The following BDP1 variants were observed in gnomAD, a reference collection of about 807,000 sequenced individuals.
BDP1 encodes the protein transcription factor TFIIIB component B'' homolog.
A neutral mutation model predicts 266.6 loss-of-function variants in BDP1; 169 were observed. The observed-to-expected ratio is 0.63, with a 90% CI of 0.56 to 0.72. The LOEUF (loss-of-function observed/expected upper bound fraction) is 0.72. BDP1 is among the 30% of genes least tolerant of loss of function. The probability of loss-of-function intolerance (pLI) is 0.00; values close to 1 mark genes in which losing one functional copy is unlikely to be tolerated. For synonymous variants in BDP1, 1,090 were observed against 1,022.4 expected, an observed-to-expected ratio of 1.07 and a Z score of -1.26; for missense variants, 3,015 against 3,053.8, an observed-to-expected ratio of 0.99 and a Z score of 0.30.
At chr5:71,552,147 G>GTGGTTGC (rs1742839861) in intron 34 of BDP1, among the ~76,000 whole-genome samples, 1 of 148,364 alleles carries the variant, frequency 6.7e-6, no homozygotes, top group Non-Finnish European at 1.5e-5. Flanking sequence ...CTCAGATGGG[G>GTGGTTGC]CAGCCGGGCA....
At chr5:71,571,597 G>A (rs988289735), downstream of BDP1, among the ~76,000 whole-genome samples, 4 of 151,062 alleles carry the variant, frequency 2.6e-5, no homozygotes, top group East Asian at 2.0e-4. Flanking sequence ...TATTAAACAC[G>A]GATTGCTGGG....
Position 71,512,357 on chromosome 5 carries a change from A to G in BDP1, c.4176A>G (p.Glu1392=), listed in dbSNP as rs776422348. 6.9e-6 allele frequency: 11 copies of G among 1,596,620 alleles called. No homozygotes were observed. The highest frequency in any genetic ancestry group is 1.8e-5 in the Admixed American group (1 of 54,308). Residue 1392 remains glutamate, a synonymous_variant, in exon 18 of 39, where the codon GAA becomes GAG. Coordinates refer to ENST00000358731, the MANE Select transcript of BDP1 (RefSeq NM_018429.3). ...TCAAGATTTCTTCACAGACTCATGA[A>G]TCTGATAAAACAGAAGTCCAGGGGA... ...SHFKISSQTH[E]SDKTEVQGIQ...
chr5:71,459,881 C>G (rs979860936), intron 2 of BDP1, among the ~76,000 whole-genome samples: 3 of 152,172 alleles, frequency 2.0e-5, no homozygotes, highest in African/African-American at 7.2e-5. Flanking sequence ...CAGGGAAATG[C>G]TCATTGGAGC....
intron 25 of BDP1, among the ~76,000 whole-genome samples, chr5:71,525,648 CA>C (rs1765804790): frequency 7.8e-6 from 1 of 128,768 alleles, no homozygotes; most frequent in Non-Finnish European, 1.7e-5. Flanking sequence ...CTGACCCCCC[CA>C]CCTCCCTTCC....
intron 25 of BDP1, among the ~76,000 whole-genome samples, chr5:71,525,728 CG>C (rs1203425687): frequency 7.2e-6 from 1 of 139,570 alleles, no homozygotes; most frequent in Non-Finnish European, 1.6e-5. Flanking sequence ...GCTGGCCAGG[CG>C]GGGGGCTGAC....
At chr5:71,484,020 A>G in intron 8 of BDP1, 124 bp downstream of exon 8, 2 of 764,960 alleles carry the variant, frequency 2.6e-6, no homozygotes, top group Non-Finnish European at 4.3e-6. Flanking sequence ...AAGAGGAAGC[A>G]GTCTGAAATT....
At chr5:71,526,804 C>T (rs1765917511) in intron 25 of BDP1, among the ~76,000 whole-genome samples, 1 of 151,008 alleles carries the variant, frequency 6.6e-6, no homozygotes, top group Admixed American at 6.6e-5. Context: ...TATCCTGCCT[C>T]AGCCTCCTGT....
chr5:71,491,247 T>G (rs1396461419), intron 11 of BDP1, 116 bp downstream of exon 11: 1 of 954,978 alleles, frequency 1.0e-6, no homozygotes, highest in Non-Finnish European at 1.6e-6. Flanking sequence ...GTTCTATTTG[T>G]TTTTGCTCCA....
chr5:71,517,377 A>G lies in BDP1; in HGVS notation c.4916A>G (p.His1639Arg). 6.2e-7 allele frequency: 1 copy of G among 1,604,016 alleles called. No homozygotes were observed. The highest frequency in any genetic ancestry group is 8.5e-7 in the Non-Finnish European group (1 of 1,177,516). The change falls in exon 22 of 39, where the codon CAC (histidine) becomes CGC (arginine). Residue 1639 changes from histidine to arginine, a missense_variant. This residue lies in a region of BDP1 where 2,383 missense variants were observed against 2,404.9 expected (regional missense o/e 0.99). Coordinates refer to ENST00000358731, the MANE Select transcript of BDP1 (RefSeq NM_018429.3). ...GTTCCATCGTCCGCAGTTCCAGAAC[A>G]CAGAATGTATGAAAATCAAAGTCAG... ...IEVPSSAVPE[H>R]RMYENQSQVV...
At chr5:71,551,008 GA>G (rs1486321237) in intron 34 of BDP1, among the ~76,000 whole-genome samples, 5 of 152,138 alleles carry the variant, frequency 3.3e-5, no homozygotes, top group Non-Finnish European at 7.4e-5. Context: ...GCCTGGACTA[GA>G]AGGGACATTT....
rs776943344 is a variant in BDP1, at chr5:71,522,815, C to A, written c.5253C>A (p.Ser1751=). 14 of 1,613,350 alleles carry A rather than the reference C, an allele frequency of 8.7e-6. No individual in the cohort carries two copies. Among genetic ancestry groups the A allele is most frequent in the South Asian group, 5.5e-5 (5 of 90,844 alleles). Residue 1751 remains serine, a synonymous_variant, in exon 24 of 39, where the codon TCC becomes TCA. Transcript: ENST00000358731. ...EVSARKDCVG[S]KESALAKIDA... is the part of the protein sequence containing the mutation. Reference sequence around the variant, plus strand: ...CAGCAAGAAAAGATTGTGTAGGTTCCAAAGAGTCTGCTTTGGCAAAAATAG... The same window carrying A: ...CAGCAAGAAAAGATTGTGTAGGTTCAAAAGAGTCTGCTTTGGCAAAAATAG...
intron 11 of BDP1, among the ~76,000 whole-genome samples, chr5:71,493,399 A>G (rs1421069544): frequency 1.3e-5 from 2 of 152,124 alleles, no homozygotes; most frequent in Admixed American, 6.5e-5. Context: ...AGCTGGGACT[A>G]CAGTCATGGG....
intron 1 of BDP1, among the ~76,000 whole-genome samples, chr5:71,458,314 G>A (rs1242011285): frequency 2.6e-5 from 4 of 151,968 alleles, no homozygotes; most frequent in African/African-American, 9.7e-5. Context: ...TTTGAGGGGG[G>A]TAAGCCTATA....
intron 7 of BDP1, among the ~76,000 whole-genome samples, chr5:71,472,968 C>T (rs1420663739): frequency 1.4e-5 from 2 of 142,982 alleles, no homozygotes; most frequent in African/African-American, 5.2e-5. Context: ...TATCATGGCT[C>T]ACCTCCTGGG....
chr5:71,534,463 G>A (rs1248925436), intron 26 of BDP1, among the ~76,000 whole-genome samples: 1 of 152,020 alleles, frequency 6.6e-6, no homozygotes, highest in Non-Finnish European at 1.5e-5. Flanking sequence ...TCATGCTGGT[G>A]ATGCTATATT....
At chr5:71,491,405 G>T (rs188554307) in intron 11 of BDP1, among the ~76,000 whole-genome samples, 2 of 151,410 alleles carry the variant, frequency 1.3e-5, no homozygotes, top group South Asian at 2.1e-4. Flanking sequence ...TTTGGTTGGC[G>T]TTTGCATGGG....
chr5:71,563,057 A>G (rs977501535), intron 38 of BDP1, among the ~76,000 whole-genome samples: 3 of 152,204 alleles, frequency 2.0e-5, no homozygotes, highest in African/African-American at 4.8e-5. Flanking sequence ...AAACTTTTTA[A>G]AAACATTTTG....
intron 4 of BDP1, among the ~76,000 whole-genome samples, chr5:71,464,715 G>GTTTTTTTTTTTTTTTTTTTTT (rs567761591): frequency 1.1e-5 from 1 of 88,060 alleles, no homozygotes; most frequent in Non-Finnish European, 2.2e-5. Context: ...AAATTTTTTA[G>GTTTTTTTTTTTTTTTTTTTTT]TTTTTTTTTT....
chr5:71,577,961 A>T, the BDP1 span, among the ~76,000 whole-genome samples: 1 of 152,224 alleles, frequency 6.6e-6, no homozygotes, highest in Non-Finnish European at 1.5e-5. Context: ...TGACCAACTC[A>T]GCATTCCACT....
Sources: allele counts gnomAD v4.1 joint callset (sites outside exome capture counted in the v4.1 genomes callset), GRCh38; gene constraint gnomAD v4.1.1; regional missense constraint gnomAD v4.1.1; transcripts MANE v1.5; gene names NCBI Gene and HGNC (gene_info 2026-07-23, HGNC 2026-07-21).